The following NCAM1 variants were observed in gnomAD, a reference collection of about 807,000 sequenced individuals.
NCAM1 encodes neural cell adhesion molecule 1.
In NCAM1, 14 loss-of-function variants were observed where a neutral mutation model predicts 109.8. The observed-to-expected ratio is 0.13, with a 90% CI of 0.08 to 0.20. NCAM1 has a LOEUF of 0.20. Among genes scored for constraint, NCAM1 ranks in the 10% least tolerant of loss-of-function variants. The probability of loss-of-function intolerance (pLI) is 1.00; values close to 1 mark genes in which losing one functional copy is unlikely to be tolerated. For missense variants in NCAM1, 774 were observed against 1,109.9 expected (o/e 0.70, Z 4.30); for synonymous variants, 418 against 442.9 (o/e 0.94, Z 0.70).
In NCAM1 at chr11:113,121,537, C is replaced by CAAAAAA. The variant is rs3051887; in HGVS notation, c.53-80826_53-80821dup. On this transcript the variant is annotated intron_variant, in intron 1 of 19. Coordinates refer to ENST00000316851, the MANE Select transcript of NCAM1 (RefSeq NM_181351.5). ...TGCCTGGCCAACACCACCAATCTTA[C>CAAAAAA]AAAAAAAAAAAAAAAAAAAAAGGCA... Among the ~76,000 whole-genome samples, 24 of 92,400 alleles carry CAAAAAA rather than the reference C, an allele frequency of 2.6e-4. 1 individual carries two copies. Among genetic ancestry groups the CAAAAAA allele is most frequent in the African/African-American group, 3.6e-4 (8 of 22,018 alleles). 60.6% of individuals were successfully genotyped at this position (92,400 alleles called of 152,430 possible). A position where few individuals can be genotyped will look rare whatever the true frequency, so the allele number is the denominator to read the frequency against.
At chr11:113,093,400 C>A (rs1316377817) in intron 1 of NCAM1, among the ~76,000 whole-genome samples, 1 of 152,170 alleles carries the variant, frequency 6.6e-6, no homozygotes, top group Non-Finnish European at 1.5e-5. Context: ...TTTGCTGTTG[C>A]ATTGCACCAA....
At chr11:113,128,291 T>C (rs1277759195) in intron 1 of NCAM1, among the ~76,000 whole-genome samples, 1 of 152,196 alleles carries the variant, frequency 6.6e-6, no homozygotes, top group Non-Finnish European at 1.5e-5. Flanking sequence ...ATTAGCTCCA[T>C]GAGCTTGGGT....
chr11:113,083,898 C>T (rs1938962027), intron 1 of NCAM1, among the ~76,000 whole-genome samples: 1 of 152,054 alleles, frequency 6.6e-6, no homozygotes, highest in East Asian at 1.9e-4. Flanking sequence ...GACGTTTGTC[C>T]CTGGTCTCAG....
intron 1 of NCAM1, among the ~76,000 whole-genome samples, chr11:113,150,636 T>A (rs1163310723): frequency 6.6e-6 from 1 of 152,174 alleles, no homozygotes; most frequent in Non-Finnish European, 1.5e-5. Context: ...CAAACCGACA[T>A]CAGCCAGTTA....
intron 1 of NCAM1, among the ~76,000 whole-genome samples, chr11:112,992,854 A>G (rs1951501126): frequency 6.6e-6 from 1 of 152,180 alleles, no homozygotes; most frequent in Non-Finnish European, 1.5e-5. Flanking sequence ...TTTCATATTA[A>G]TGTATAAGCA....
intron 1 of NCAM1, among the ~76,000 whole-genome samples, chr11:113,014,522 C>T (rs1246944213): frequency 6.6e-6 from 1 of 152,192 alleles, no homozygotes; most frequent in African/African-American, 2.4e-5. Flanking sequence ...TGAATGAATG[C>T]TGCCGTAAAG....
At chr11:113,025,413 G>C (rs1165434364) in intron 1 of NCAM1, among the ~76,000 whole-genome samples, 1 of 151,892 alleles carries the variant, frequency 6.6e-6, no homozygotes, top group Non-Finnish European at 1.5e-5. Context: ...ATGAATGCTG[G>C]GTTACAGTGG....
Position 113,273,434 on chromosome 11 carries a change from G to A in NCAM1, c.2456+1558G>A, listed in dbSNP as rs1946333065. ...CTGCCACAGAAGCCCCTCAGGCCAA[G>A]CAGGAGGCTCCCAGCACCAAAGGCC... On this transcript the variant is annotated intron_variant, in intron 19 of 19. Transcript: ENST00000316851. The surrounding 1 kb of genome is among the most constrained non-coding windows in gnomAD (Gnocchi z 6.0). The A allele has an allele frequency of 3.0e-6, 1 of 334,122 alleles. No individual in the cohort carries two copies. Among genetic ancestry groups the A allele is most frequent in the Admixed American group, 4.0e-5 (1 of 24,994 alleles). The allele number at this position is 334,122 out of a possible 1,614,324, so 20.7% of individuals were successfully genotyped here. A position where few individuals can be genotyped will look rare whatever the true frequency, so the allele number is the denominator to read the frequency against.
chr11:113,117,650 A>G (rs1555095171), intron 1 of NCAM1, among the ~76,000 whole-genome samples: 2 of 152,072 alleles, frequency 1.3e-5, no homozygotes, highest in South Asian at 2.1e-4. Flanking sequence ...TTGAGGGAAA[A>G]CGAAATTGTG....
intron 1 of NCAM1, among the ~76,000 whole-genome samples, chr11:112,964,528 G>A (rs975747203): frequency 6.6e-6 from 1 of 152,158 alleles, no homozygotes; most frequent in East Asian, 1.9e-4. Context: ...CATCGGTTAA[G>A]AACAAAGAGC....
chr11:113,232,843 G>C (rs782292844), intron 12 of NCAM1, 29 bp downstream of exon 12: 18 of 1,573,690 alleles, frequency 1.1e-5, no homozygotes, highest in Non-Finnish European at 1.2e-5. Context: ...CCTGAGAGCA[G>C]CTGCCACAAC....
At chr11:113,214,087 G>T (rs1214329669) in intron 7 of NCAM1, among the ~76,000 whole-genome samples, 1 of 152,206 alleles carries the variant, frequency 6.6e-6, no homozygotes, top group Non-Finnish European at 1.5e-5. Context: ...TCCTCTCGAA[G>T]GCTCCATCCA....
Position 112,962,456 on chromosome 11 carries a change from G to A in NCAM1, c.52+792G>A, listed in dbSNP as rs577458356. Among the ~76,000 whole-genome samples the A allele has an allele frequency of 3.3e-5, 5 of 152,044 alleles. No individual in the cohort carries two copies. The South Asian group carries it at 1.0e-3, about 32-fold the overall frequency. ...GCCTGGTGTGTGCGCGCGCGTGTGCGCGCGTGTGTCTTTACACGCGCCGCG... is the reference window on the plus strand; with the variant it reads ...GCCTGGTGTGTGCGCGCGCGTGTGCACGCGTGTGTCTTTACACGCGCCGCG... On this transcript the variant is annotated intron_variant, in intron 1 of 19. Transcript: ENST00000316851. The surrounding 1 kb of genome is among the most constrained non-coding windows in gnomAD (Gnocchi z 5.6).
chr11:113,264,567 T>G, intron 17 of NCAM1: 11 of 985,574 alleles, frequency 1.1e-5, no homozygotes, highest in Non-Finnish European at 1.3e-5. Context: ...GGAGAGCTAC[T>G]GGCTCTTAGG....
chr11:113,176,951 G>A (rs1943168244), intron 1 of NCAM1, among the ~76,000 whole-genome samples: 1 of 152,196 alleles, frequency 6.6e-6, no homozygotes, highest in Admixed American at 6.5e-5. Flanking sequence ...GGGCATATGA[G>A]AGTGATATGC....
chr11:113,272,620 C>A (rs1271859393), intron 19 of NCAM1, among the ~76,000 whole-genome samples: 3 of 152,158 alleles, frequency 2.0e-5, no homozygotes, highest in Non-Finnish European at 4.4e-5. Context: ...TCAGGAAGCC[C>A]TAGGCAGGTC....
intron 1 of NCAM1, among the ~76,000 whole-genome samples, chr11:113,163,447 G>T (rs1446959297): frequency 6.6e-6 from 1 of 152,154 alleles, no homozygotes; most frequent in Non-Finnish European, 1.5e-5. Context: ...TTTCGCTATT[G>T]ACCTGGTCCT....
At chr11:113,167,889 G>A (rs1374206759) in intron 1 of NCAM1, among the ~76,000 whole-genome samples, 1 of 152,126 alleles carries the variant, frequency 6.6e-6, no homozygotes, top group African/African-American at 2.4e-5. Context: ...TATTACTGTT[G>A]TTGTTGTTTT....
intron 1 of NCAM1, among the ~76,000 whole-genome samples, chr11:113,112,901 A>C (rs11214499): frequency 0.12 from 18,425 of 151,940 alleles, 1,315 homozygotes; most frequent in East Asian, 0.36. Context: ...GGAGGCCGAG[A>C]CAAGTGGATC....
Sources: allele counts gnomAD v4.1 joint callset (sites outside exome capture counted in the v4.1 genomes callset), GRCh38; gene constraint gnomAD v4.1.1; non-coding constraint Gnocchi (gnomAD v3.1); transcripts MANE v1.5; gene names NCBI Gene and HGNC (gene_info 2026-07-23, HGNC 2026-07-21).